Variants in TGFB1 observed in about 807,000 individuals in gnomAD.
TGFB1 encodes transforming growth factor beta 1.
TGFB1 carries 19 observed loss-of-function variants against 43.8 expected under a neutral mutation model. The ratio of observed to expected loss-of-function variants is 0.43; its 90% CI spans 0.30 to 0.64. TGFB1 has a LOEUF of 0.64. Among genes scored for constraint, TGFB1 ranks in the 30% least tolerant of loss-of-function variants. The probability of loss-of-function intolerance (pLI) is 0.11; values close to 1 mark genes in which losing one functional copy is unlikely to be tolerated. For synonymous variants in TGFB1, 221 were observed against 236.3 expected (o/e 0.94, Z 0.60); for missense variants, 445 against 529.8 (o/e 0.84, Z 1.57).
chr19:41,343,980 CTTTTTT>C (rs3061192), intron 3 of TGFB1, among the ~76,000 whole-genome samples: 1 of 98,638 alleles, frequency 1.0e-5, no homozygotes, highest in Non-Finnish European at 1.9e-5. Flanking sequence ...TGCCTGGAAT[CTTTTTT>C]TTTTTTTTTT....
At chr19:41,334,692 C>T (rs755680414) in intron 5 of TGFB1, among the ~76,000 whole-genome samples, 18 of 151,754 alleles carry the variant, frequency 1.2e-4, no homozygotes, top group East Asian at 3.9e-4. Flanking sequence ...GCAGGAGAAT[C>T]GCTTGAACCC....
chr19:41,336,853 T>C (rs548048016), intron 5 of TGFB1, among the ~76,000 whole-genome samples: 1 of 152,278 alleles, frequency 6.6e-6, no homozygotes, highest in East Asian at 1.9e-4. Context: ...AGAGTTCACA[T>C]TTACCCAACT....
At position 41,341,466 on chromosome 19, in the gene TGFB1, C is replaced by CAAAAAAAAAAAA. The variant is rs770264069; in HGVS notation, c.860+405_860+416dup. Among the ~76,000 whole-genome samples the CAAAAAAAAAAAA allele has an allele frequency of 2.8e-4, 10 of 35,582 alleles. 1 individual carries two copies. The highest frequency in any genetic ancestry group is 4.5e-4 in the Admixed American group (1 of 2,226). The allele number at this position is 35,582 out of a possible 152,430, so 23.3% of individuals were successfully genotyped here. A position where few individuals can be genotyped will look rare whatever the true frequency, so the allele number is the denominator to read the frequency against. On this transcript the variant is annotated intron_variant, in intron 5 of 6. Transcript: ENST00000221930. ...CAGGTGACAGAGCGAGACTCTGTCT[C>CAAAAAAAAAAAA]AAAAAAAAAAAAAAAAAAAAAAAAA...
chr19:41,336,370 C>G (rs2037988477), intron 5 of TGFB1, among the ~76,000 whole-genome samples: 1 of 150,844 alleles, frequency 6.6e-6, no homozygotes, highest in Non-Finnish European at 1.5e-5. Context: ...TGCATCTCTA[C>G]CCCTATCCAC....
rs1336387628 is a variant in TGFB1, at chr19:41,331,066, A to C, written c.1159T>G (p.Cys387Gly). ...EQLSNMIVRS[C>G]KCS ...GGGGCGGGACCTCAGCTGCACTTGCAGGAGCGCACGATCATGTTGGACAGC... is the reference window on the plus strand; with the variant it reads ...GGGGCGGGACCTCAGCTGCACTTGCCGGAGCGCACGATCATGTTGGACAGC... Residue 387 changes from cysteine to glycine, a missense_variant, in exon 7 of 7, where the codon TGC becomes GGC. Cys to Gly is a radical substitution (Grantham distance 159). This residue lies in a region of TGFB1 where 56 missense variants were observed against 46.9 expected (regional missense o/e 1.19). Coordinates refer to ENST00000221930, the MANE Select transcript of TGFB1 (RefSeq NM_000660.7). The C allele has an allele frequency of 1.3e-6, 2 of 1,572,708 alleles. No individual in the cohort carries two copies. The highest frequency in any genetic ancestry group is 1.7e-6 in the Non-Finnish European group (2 of 1,161,554).
Position 41,352,971 on chromosome 19 carries a change from C to G in TGFB1, c.74G>C (p.Arg25Pro), listed in dbSNP as rs1800471. Reference protein sequence around the residue: ...LLWLLVLTPGRPAAGLSTCKT... With the variant: ...LLWLLVLTPGPPAAGLSTCKT... ...GCAGGTGGATAGTCCCGCGGCCGGC[C>G]GGCCAGGCGTCAGCACCAGTAGCCA... is the stretch of plus-strand genomic sequence containing the variant. The change falls in exon 1 of 7, where the codon CGG becomes CCG. Residue 25 changes from arginine to proline, a missense_variant. Physicochemically the swap from Arg to Pro is moderately radical, Grantham distance 103. Transcript: ENST00000221930. The G allele has an allele frequency of 0.071, 109,707 of 1,543,868 alleles. 4,202 individuals are homozygous for G. The highest frequency in any genetic ancestry group is 0.078 in the Non-Finnish European group (89,233 of 1,148,414).
intron 5 of TGFB1, among the ~76,000 whole-genome samples, chr19:41,338,969 C>CGTGT (rs71179696): frequency 0.012 from 1,818 of 150,212 alleles, 31 homozygotes; most frequent in African/African-American, 0.042. Flanking sequence ...ATGGGGGGTA[C>CGTGT]GTGTGTGTGT....
At chr19:41,346,140 C>G (rs991622418) in intron 2 of TGFB1, among the ~76,000 whole-genome samples, 1 of 152,034 alleles carries the variant, frequency 6.6e-6, no homozygotes, top group African/African-American at 2.4e-5. Context: ...CACCAGAGGT[C>G]AGAAGTTCGA....
chr19:41,350,913 G>A (rs1286160585), intron 1 of TGFB1: 1 of 152,492 alleles, frequency 6.6e-6, no homozygotes, highest in African/African-American at 2.4e-5. Context: ...AGAGGAGGGA[G>A]AGGAAGGGTT....
chr19:41,351,583 C>G (rs1408110313), intron 1 of TGFB1, among the ~76,000 whole-genome samples: 1 of 152,200 alleles, frequency 6.6e-6, no homozygotes, highest in Non-Finnish European at 1.5e-5. Flanking sequence ...CTGAGAGGAA[C>G]TGGGACTTTG....
intron 5 of TGFB1, among the ~76,000 whole-genome samples, chr19:41,339,026 G>T (rs1465903992): frequency 1.3e-5 from 2 of 151,814 alleles, no homozygotes; most frequent in Non-Finnish European, 2.9e-5. Flanking sequence ...AAGAAACTGG[G>T]TGAGGTTTCT....
chr19:41,331,405 ATTTTCT>A (rs2037929464), intron 6 of TGFB1, among the ~76,000 whole-genome samples, 195 bp from the exon 7 acceptor site: 1 of 150,484 alleles, frequency 6.6e-6, no homozygotes, highest in Non-Finnish European at 1.5e-5. Context: ...CACCTGTCTG[ATTTTCT>A]TTTTGTTTTG....
intron 5 of TGFB1, among the ~76,000 whole-genome samples, chr19:41,340,039 G>A (rs1028732067): frequency 4.6e-5 from 7 of 152,012 alleles, no homozygotes; most frequent in Non-Finnish European, 8.8e-5. Flanking sequence ...CAACTTTCTA[G>A]GAATCCAACA....
chr19:41,349,887 A>G (rs1485036026), intron 1 of TGFB1, among the ~76,000 whole-genome samples: 1 of 152,138 alleles, frequency 6.6e-6, no homozygotes, highest in African/African-American at 2.4e-5. Context: ...TAGATGAGAA[A>G]CTGAGGCACC....
intron 6 of TGFB1, 36 bp downstream of exon 6, chr19:41,332,092 C>G (rs570977266): frequency 1.9e-5 from 30 of 1,601,850 alleles, no homozygotes; most frequent in Admixed American, 6.7e-5. Flanking sequence ...CTGGCTCCCC[C>G]CAAGCGCATC....
intron 1 of TGFB1, 96 bp downstream of exon 1, chr19:41,352,594 C>T: frequency 6.9e-7 from 1 of 1,445,478 alleles, no homozygotes; most frequent in South Asian, 1.2e-5. Flanking sequence ...CTTCCTCCAG[C>T]CAGTTTCTTC....
intron 5 of TGFB1, among the ~76,000 whole-genome samples, chr19:41,339,647 ACC>A (rs2123093865): frequency 6.6e-6 from 1 of 151,096 alleles, no homozygotes; most frequent in East Asian, 2.0e-4. Flanking sequence ...ACATGGTGAA[ACC>A]CAGTGTCTAC....
chr19:41,335,535 A>G (rs2123086132), intron 5 of TGFB1, among the ~76,000 whole-genome samples: 1 of 152,316 alleles, frequency 6.6e-6, no homozygotes, highest in African/African-American at 2.4e-5. Context: ...GGCCACTGAA[A>G]TCAGAAATTG....
chr19:41,342,198 C>A lies in TGFB1; in HGVS notation c.684G>T (p.Arg228Ser), dbSNP rs771288773. 6.2e-7 allele frequency: 1 copy of A among 1,608,458 alleles called. No individual in the cohort carries two copies. Among genetic ancestry groups the A allele is most frequent in the Non-Finnish European group, 8.5e-7 (1 of 1,177,426 alleles). The change falls in exon 4 of 7, where the codon AGG becomes AGT. Residue 228 changes from arginine to serine, a missense_variant. Physicochemically the swap from Arg to Ser is moderately radical, Grantham distance 110. Coordinates refer to ENST00000221930, the MANE Select transcript of TGFB1 (RefSeq NM_000660.7). ...TGATGTCCACTTGCAGTGTGTTATC[C>A]CTGCTGTCACAGGAGCAGTGGGCGC... ...RLSAHCSCDSRDNTLQVDING... is the reference protein window; with the variant it reads ...RLSAHCSCDSSDNTLQVDING...
Sources: gnomAD v4.1 joint callset for allele counts (sites outside exome capture counted in the v4.1 genomes callset) on GRCh38, gnomAD v4.1.1 for gene constraint, gnomAD v4.1.1 regional missense constraint, MANE v1.5 for transcripts, NCBI Gene and HGNC (gene_info 2026-07-23, HGNC 2026-07-21) for gene names.